The following MCC variants were observed in gnomAD, a reference collection of about 807,000 sequenced individuals.
The protein encoded by MCC is MCC regulator of Wnt signaling pathway.
MCC carries 90 observed loss-of-function variants against 116.2 expected under a neutral mutation model. That is an observed-to-expected ratio of 0.77 (90% confidence interval 0.65 to 0.92). The LOEUF (loss-of-function observed/expected upper bound fraction) is 0.92. Among genes scored for constraint, MCC ranks in the 40% least tolerant of loss-of-function variants. The pLI is 0.00. For synonymous variants in MCC, 578 were observed against 510.5 expected (o/e 1.13, Z -1.78); for missense variants, 1,516 against 1,312.2 (o/e 1.16, Z -2.40).
intron 3 of MCC, among the ~76,000 whole-genome samples, chr5:113,184,030 A>G (rs1486961080): frequency 6.6e-6 from 1 of 152,148 alleles, no homozygotes; most frequent in African/African-American, 2.4e-5. Flanking sequence ...GCCAAAATCA[A>G]TTTTTATTCC....
chr5:113,359,413 C>T (rs911880358), intron 2 of MCC, among the ~76,000 whole-genome samples: 4 of 152,232 alleles, frequency 2.6e-5, no homozygotes, highest in African/African-American at 7.2e-5. Flanking sequence ...TCTTTAAGCA[C>T]AGGCCTGAGA....
chr5:113,025,147 T>C lies in MCC; in HGVS notation c.*2155A>G, dbSNP rs1580861121. The C allele has an allele frequency of 6.6e-6, 1 of 152,114 alleles. No homozygotes were observed. Among genetic ancestry groups the C allele is most frequent in the South Asian group, 2.1e-4 (1 of 4,814 alleles). The allele number at this position is 152,114 out of a possible 1,614,324, so 9.4% of individuals were successfully genotyped here. Reference sequence around the variant, plus strand: ...GTCAGTGAAAATGAAAACTGCCCATTTGATGCCTGCTTAATCACAAAAAAG... The same window carrying C: ...GTCAGTGAAAATGAAAACTGCCCATCTGATGCCTGCTTAATCACAAAAAAG... On this transcript the variant is annotated 3_prime_UTR_variant, in exon 19 of 19. Coordinates refer to ENST00000408903, the MANE Select transcript of MCC (RefSeq NM_001085377.2).
intron 3 of MCC, among the ~76,000 whole-genome samples, chr5:113,245,537 G>T (rs1392953714): frequency 6.6e-6 from 1 of 151,862 alleles, no homozygotes; most frequent in African/African-American, 2.4e-5. Context: ...AAGCAACCAA[G>T]GACATAAGGC....
chr5:113,107,686 G>A (rs773681092), intron 6 of MCC, among the ~76,000 whole-genome samples: 3 of 152,188 alleles, frequency 2.0e-5, no homozygotes, highest in Non-Finnish European at 4.4e-5. Context: ...CCTGAGTTAT[G>A]TGCATTAAGT....
chr5:113,078,270 A>G (rs1487184901), intron 11 of MCC, among the ~76,000 whole-genome samples: 1 of 152,228 alleles, frequency 6.6e-6, no homozygotes, highest in Non-Finnish European at 1.5e-5. Context: ...GTTCCAATCA[A>G]TAGAAAAAGA....
rs148800876 is a variant in MCC at position 113,388,764 on chromosome 5, T to C, written c.171-3552A>G. On this transcript the variant is annotated intron_variant, in intron 1 of 18. Transcript: ENST00000408903. The stretch of plus-strand genomic sequence containing the variant: ...TAAATTACCCAGCCTCAGGTGTTTC[T>C]TTACAGCCACGCAAGAATAGACTAA... Among the ~76,000 whole-genome samples the C allele has an allele frequency of 4.2e-3, 637 of 152,326 alleles. 3 individuals carry two copies. Among genetic ancestry groups the C allele is most frequent in the African/African-American group, 0.014 (592 of 41,582 alleles).
intron 1 of MCC, among the ~76,000 whole-genome samples, chr5:113,428,251 C>A (rs968060408): frequency 1.3e-5 from 2 of 152,088 alleles, no homozygotes; most frequent in Non-Finnish European, 2.9e-5. Flanking sequence ...AGTAGAAGAA[C>A]GTCAATAGAT....
chr5:113,040,252 G>C (rs1444869661), intron 17 of MCC, among the ~76,000 whole-genome samples: 1 of 151,962 alleles, frequency 6.6e-6, no homozygotes, highest in Non-Finnish European at 1.5e-5. Flanking sequence ...GAGAGAGCCA[G>C]GGCTGAGTGA....
chr5:113,352,386 AAAAT>A (rs936827044), intron 2 of MCC, among the ~76,000 whole-genome samples: 2 of 152,054 alleles, frequency 1.3e-5, no homozygotes, highest in African/African-American at 4.8e-5. Context: ...GCTCCAGGCA[AAAAT>A]AAATAAATAA....
chr5:113,365,506 ATCT>A (rs1295198178), intron 2 of MCC, among the ~76,000 whole-genome samples: 1 of 152,154 alleles, frequency 6.6e-6, no homozygotes, highest in Non-Finnish European at 1.5e-5. Context: ...TTAACTTCCT[ATCT>A]TCTTCTAAGC....
intron 17 of MCC, among the ~76,000 whole-genome samples, chr5:113,035,597 CCT>C (rs1751276529): frequency 6.6e-6 from 1 of 152,136 alleles, no homozygotes; most frequent in Non-Finnish European, 1.5e-5. Context: ...TCACCCTTGC[CCT>C]GATGGAATCC....
chr5:113,122,323 T>C (rs151119788), intron 6 of MCC, among the ~76,000 whole-genome samples: 11 of 152,354 alleles, frequency 7.2e-5, no homozygotes, highest in African/African-American at 1.4e-4. Flanking sequence ...TGTTAAAACC[T>C]ATTGGGATTC....
intron 2 of MCC, among the ~76,000 whole-genome samples, chr5:113,383,975 GA>G (rs2150393123): frequency 6.6e-6 from 1 of 152,190 alleles, no homozygotes; most frequent in South Asian, 2.1e-4. Flanking sequence ...TGAGATCAAA[GA>G]CACATTTTCA....
intron 17 of MCC, among the ~76,000 whole-genome samples, chr5:113,038,912 C>A (rs972595407): frequency 1.3e-5 from 2 of 152,232 alleles, no homozygotes; most frequent in Non-Finnish European, 2.9e-5. Context: ...TTTACAGAAC[C>A]ATCTGGCAAA....
intron 13 of MCC, 104 bp downstream of exon 13, chr5:113,067,976 T>G (rs1753739109): frequency 2.0e-6 from 2 of 978,804 alleles, no homozygotes; most frequent in Non-Finnish European, 3.3e-6. Flanking sequence ...GACAACCAAA[T>G]TTTGTGTTGT....
At chr5:113,385,357 A>G in intron 1 of MCC, 145 bp from the exon 2 acceptor site, 1 of 898,624 alleles carries the variant, frequency 1.1e-6, no homozygotes, top group Non-Finnish European at 1.7e-6. Flanking sequence ...TAGAAAAGTG[A>G]TAAGTGTATG....
intron 13 of MCC, among the ~76,000 whole-genome samples, chr5:113,066,447 T>A (rs1326192935): frequency 6.6e-6 from 1 of 152,202 alleles, no homozygotes; most frequent in Non-Finnish European, 1.5e-5. Context: ...ATGGAAATGC[T>A]GGCAGAGTTT....
intron 3 of MCC, among the ~76,000 whole-genome samples, chr5:113,158,652 T>C (rs1581174938): frequency 6.6e-6 from 1 of 152,238 alleles, no homozygotes; most frequent in South Asian, 2.1e-4. Flanking sequence ...GTGAGATATA[T>C]GTTATTACCT....
intron 3 of MCC, among the ~76,000 whole-genome samples, chr5:113,203,595 G>C (rs993580813): frequency 2.0e-5 from 3 of 152,124 alleles, no homozygotes; most frequent in Non-Finnish European, 2.9e-5. Context: ...GGATCACTTG[G>C]CGTGATTATT....
Sources: gnomAD v4.1 joint callset for allele counts (sites outside exome capture counted in the v4.1 genomes callset) on GRCh38, gnomAD v4.1.1 for gene constraint, MANE v1.5 for transcripts, NCBI Gene and HGNC (gene_info 2026-07-23, HGNC 2026-07-21) for gene names.